The following SHISAL2B variants were observed in gnomAD, a reference collection of about 807,000 sequenced individuals.
SHISAL2B encodes the protein shisa like 2B.
A neutral mutation model predicts 16.5 loss-of-function variants in SHISAL2B; 12 were observed. The ratio of observed to expected loss-of-function variants is 0.73; its 90% CI spans 0.47 to 1.18. SHISAL2B has a LOEUF of 1.18. Ranked by LOEUF, SHISAL2B falls within the 50% of genes most tolerant of loss-of-function variation. The probability of loss-of-function intolerance (pLI) is 0.00; values close to 1 mark genes in which losing one functional copy is unlikely to be tolerated. For missense variants in SHISAL2B, 183 were observed against 193.6 expected (o/e 0.95, Z 0.33); for synonymous variants, 72 against 75.0 (o/e 0.96, Z 0.21).
At position 64,718,019 on chromosome 5, in the gene SHISAL2B, T is replaced by C. The variant is rs1742084523; in HGVS notation, c.480T>C (p.Tyr160=). 2.7e-6 allele frequency: 4 copies of C among 1,499,966 alleles called. No individual in the cohort carries two copies. Among genetic ancestry groups the C allele is most frequent in the African/African-American group, 1.4e-5 (1 of 70,552 alleles). The allele number at this position is 1,499,966 out of a possible 1,614,324, so 92.9% of individuals were successfully genotyped here. A position where few individuals can be genotyped will look rare whatever the true frequency, so the allele number is the denominator to read the frequency against. Residue 160 remains tyrosine, a synonymous_variant, in exon 3 of 3, where the codon TAT becomes TAC. Transcript: ENST00000389074. The stretch of plus-strand genomic sequence containing the variant: ...ATGCAACACAAATCCACATTGCTTA[T>C]TAACTAAAAATTCTGTGTTTTAAAT... ...TMDATQIHIA[Y]
intron 2 of SHISAL2B, among the ~76,000 whole-genome samples, chr5:64,703,575 A>C (rs1741838406): frequency 6.6e-6 from 1 of 152,204 alleles, no homozygotes; most frequent in Admixed American, 6.5e-5. Flanking sequence ...CAAACCAATA[A>C]GCAAAATAGA....
At chr5:64,699,268 A>G (rs541989453) in intron 2 of SHISAL2B, among the ~76,000 whole-genome samples, 2 of 152,342 alleles carry the variant, frequency 1.3e-5, no homozygotes, top group African/African-American at 4.8e-5. Flanking sequence ...AAATGAGGTG[A>G]TTTTGGTCTC....
At chr5:64,695,353 A>T (rs1490457869) in intron 1 of SHISAL2B, among the ~76,000 whole-genome samples, 154 bp from the exon 2 acceptor site, 1 of 152,134 alleles carries the variant, frequency 6.6e-6, no homozygotes, top group Non-Finnish European at 1.5e-5. Context: ...GATAAAGGTG[A>T]ACTGTAGATT....
chr5:64,705,655 A>G (rs1005848747), intron 2 of SHISAL2B, among the ~76,000 whole-genome samples: 8 of 152,264 alleles, frequency 5.3e-5, no homozygotes, highest in Non-Finnish European at 1.2e-4. Flanking sequence ...AGTGAAAAAT[A>G]ACCTACAAAC....
chr5:64,710,915 T>TATC (rs1741948914), intron 2 of SHISAL2B, among the ~76,000 whole-genome samples: 1 of 124,196 alleles, frequency 8.1e-6, no homozygotes, highest in African/African-American at 3.7e-5. Context: ...TGAAGTTGCT[T>TATC]ATCAGCTTAA....
intron 2 of SHISAL2B, among the ~76,000 whole-genome samples, chr5:64,717,347 C>T (rs990716279): frequency 6.6e-6 from 1 of 152,056 alleles, no homozygotes; most frequent in Non-Finnish European, 1.5e-5. Context: ...TTGAATAATC[C>T]ATTTCTTTGC....
intron 2 of SHISAL2B, among the ~76,000 whole-genome samples, chr5:64,712,848 A>C (rs977419816): frequency 1.3e-5 from 2 of 149,896 alleles, no homozygotes; most frequent in Non-Finnish European, 3.0e-5. Context: ...TTTATCAGAG[A>C]CTAGGATTGC....
At position 64,715,405 on chromosome 5, in the gene SHISAL2B, G is replaced by A. The variant is rs530178281; in HGVS notation, c.350-2484G>A. Among the ~76,000 whole-genome samples, 12 of 152,172 alleles carry A rather than the reference G, an allele frequency of 7.9e-5. No individual in the cohort carries two copies. The South Asian group carries it at 2.5e-3, about 32-fold the overall frequency. ...TCTTGACTAATGGACTTCCCCTTAG[G>A]GAGGTTTGTGGCAGATTTTCTAAAA... On this transcript the variant is annotated intron_variant, in intron 2 of 2. Transcript: ENST00000389074.
At chr5:64,701,559 G>C (rs1024921599) in intron 2 of SHISAL2B, among the ~76,000 whole-genome samples, 2 of 152,138 alleles carry the variant, frequency 1.3e-5, no homozygotes, top group African/African-American at 4.8e-5. Context: ...GGAGCAAAGA[G>C]AAGGGTTCTT....
At chr5:64,711,856 T>A (rs1237731634) in intron 2 of SHISAL2B, among the ~76,000 whole-genome samples, 50 of 24,660 alleles carry the variant, frequency 2.0e-3, no homozygotes, top group African/African-American at 6.5e-3. Context: ...CTGATGGTAG[T>A]TTGTATTTCT....
At chr5:64,702,077 C>T (rs1741815976) in intron 2 of SHISAL2B, among the ~76,000 whole-genome samples, 1 of 151,622 alleles carries the variant, frequency 6.6e-6, no homozygotes, top group African/African-American at 2.4e-5. Context: ...TTTCCCCTCA[C>T]CAAAAGATAT....
At chr5:64,712,663 T>C (rs1741976355) in intron 2 of SHISAL2B, among the ~76,000 whole-genome samples, 1 of 151,998 alleles carries the variant, frequency 6.6e-6, no homozygotes, top group African/African-American at 2.4e-5. Context: ...ATTATTAATG[T>C]GTGGGAGTCT....
chr5:64,704,337 C>G (rs1272460458), intron 2 of SHISAL2B, among the ~76,000 whole-genome samples: 1 of 152,196 alleles, frequency 6.6e-6, no homozygotes, highest in Admixed American at 6.5e-5. Flanking sequence ...TAACTGTTAT[C>G]AGAAAAATTA....
intron 2 of SHISAL2B, among the ~76,000 whole-genome samples, chr5:64,710,878 C>T (rs1468262823): frequency 1.0e-5 from 1 of 95,482 alleles, no homozygotes. Flanking sequence ...GATTTTTGTA[C>T]ATTGATTTTG....
intron 2 of SHISAL2B, among the ~76,000 whole-genome samples, chr5:64,708,999 G>A (rs1441752811): frequency 6.6e-6 from 1 of 151,556 alleles, no homozygotes; most frequent in Non-Finnish European, 1.5e-5. Context: ...CAGTCTTATG[G>A]GTAAGATATG....
intron 1 of SHISAL2B, among the ~76,000 whole-genome samples, chr5:64,695,164 C>A (rs1330769668): frequency 6.6e-6 from 1 of 151,596 alleles, no homozygotes; most frequent in Non-Finnish European, 1.5e-5. Context: ...ACTCGGGAGG[C>A]TGAGGCACGA....
Position 64,690,709 on chromosome 5 carries a change from AG to A in SHISAL2B, c.91del (p.Ala31GlnfsTer38). 2 of 1,535,550 alleles carry A rather than the reference AG, an allele frequency of 1.3e-6. No individual in the cohort carries two copies. The highest frequency in any genetic ancestry group is 1.7e-6 in the Non-Finnish European group (2 of 1,146,550). On this transcript the variant is annotated frameshift_variant, in exon 1 of 3. Coordinates refer to ENST00000389074, the MANE Select transcript of SHISAL2B (RefSeq NM_001164442.2). LOFTEE classifies it high-confidence loss of function. The part of the protein sequence containing the change: ...VEPFQCPRRG[E>X]GAALQYCCGF... ...CCCTTCCAGTGCCCCCGGCGCGGCG[AG>A]GGGGCAGCGCTCCAGTATTGCTGCG...
chr5:64,714,924 G>A (rs949253606), intron 2 of SHISAL2B, among the ~76,000 whole-genome samples: 51 of 152,086 alleles, frequency 3.4e-4, no homozygotes, highest in Non-Finnish European at 5.0e-4. Flanking sequence ...GCACCCACTG[G>A]CCTGCGCCCA....
intron 2 of SHISAL2B, among the ~76,000 whole-genome samples, chr5:64,714,815 C>T (rs28534570): frequency 0.016 from 2,392 of 152,176 alleles, 61 homozygotes; most frequent in African/African-American, 0.055. Context: ...CAGGTGTGTC[C>T]GTCACCCCTT....
Sources: gnomAD v4.1 joint callset for allele counts (sites outside exome capture counted in the v4.1 genomes callset) on GRCh38, gnomAD v4.1.1 for gene constraint, MANE v1.5 for transcripts, NCBI Gene and HGNC (gene_info 2026-07-23, HGNC 2026-07-21) for gene names.